The following RAB27B variants were observed in gnomAD, a reference collection of about 807,000 sequenced individuals.
RAB27B encodes the protein ras-related protein Rab-27B.
In RAB27B, 15 loss-of-function variants were observed where a neutral mutation model predicts 24.6. That is an observed-to-expected ratio of 0.61 (90% CI 0.41 to 0.94). RAB27B has a LOEUF of 0.94. RAB27B is among the 40% of genes least tolerant of loss of function. The probability of loss-of-function intolerance (pLI) is 0.00; values close to 1 mark genes in which losing one functional copy is unlikely to be tolerated. For synonymous variants in RAB27B, 105 were observed against 92.5 expected (o/e 1.14, Z -0.78); for missense variants, 261 against 266.8 (o/e 0.98, Z 0.15).
chr18:54,799,182 T>C (rs1909518350), intron 2 of RAB27B, among the ~76,000 whole-genome samples: 1 of 152,216 alleles, frequency 6.6e-6, no homozygotes, highest in African/African-American at 2.4e-5. Flanking sequence ...AAATTTGTGT[T>C]ATTGATCATG....
chr18:54,889,384 A>T lies in RAB27B; in HGVS notation c.628A>T (p.Lys210Ter). 6.2e-7 allele frequency: 1 copy of T among 1,612,968 alleles called. No individual in the cohort carries two copies. Among genetic ancestry groups the T allele is most frequent in the Middle Eastern group, 1.7e-4 (1 of 6,048 alleles). The change falls in exon 6 of 6, where the codon AAG becomes TAG. Residue 210 changes from lysine (K) to a stop codon, truncating the protein, a stop_gained. Coordinates refer to ENST00000262094, the MANE Select transcript of RAB27B (RefSeq NM_004163.4). LOFTEE classifies it high-confidence loss of function. ...GGNSGNLDGE[K>*]PPEKKCIC The stretch of plus-strand genomic sequence containing the variant: ...AAATTCTGGAAACTTGGATGGGGAA[A>T]AGCCACCAGAGAAGAAATGTATCTG...
At chr18:54,845,469 G>A (rs1598953812) in intron 1 of RAB27B, among the ~76,000 whole-genome samples, 1 of 149,990 alleles carries the variant, frequency 6.7e-6, no homozygotes, top group Middle Eastern at 3.5e-3. Context: ...GATACCTCTA[G>A]CTAAGCAATA....
At position 54,814,847 on chromosome 18, in the gene RAB27B, T is replaced by C. The variant is rs1021819400; in HGVS notation, c.-19-62720T>C. On this transcript the variant is annotated intron_variant, in intron 2 of 4. Transcript: ENST00000586570. ...TTTATTGTAGAATACTGAATGAGGC[T>C]ATGTTCATCAAGTTTATACGTTTAA... 6.6e-5 allele frequency among the ~76,000 whole-genome samples: 10 copies of C among 152,356 alleles called. No individual in the cohort carries two copies. In the East Asian group the frequency reaches 1.9e-3, roughly 29 times the overall value.
At chr18:54,776,929 C>T (rs1908734676) in intron 2 of RAB27B, among the ~76,000 whole-genome samples, 1 of 152,142 alleles carries the variant, frequency 6.6e-6, no homozygotes, top group Non-Finnish European at 1.5e-5. Context: ...CTGGTAGTCT[C>T]AGCTACTCGG....
At chr18:54,832,824 T>C (rs964001950) in intron 1 of RAB27B, among the ~76,000 whole-genome samples, 1 of 152,112 alleles carries the variant, frequency 6.6e-6, no homozygotes, top group African/African-American at 2.4e-5. Context: ...GATGATTGCA[T>C]GTGGCGGTGT....
chr18:54,839,698 C>T (rs116693792), intron 1 of RAB27B, among the ~76,000 whole-genome samples: 1,955 of 152,288 alleles, frequency 0.013, 35 homozygotes, highest in African/African-American at 0.045. Flanking sequence ...AAATCCAACA[C>T]TAATTAAGAA....
intron 1 of RAB27B, among the ~76,000 whole-genome samples, chr18:54,856,764 C>G (rs1359242993): frequency 6.6e-6 from 1 of 152,164 alleles, no homozygotes; most frequent in Non-Finnish European, 1.5e-5. Context: ...TCACAATAAA[C>G]TCTGTGCCCA....
At chr18:54,796,762 T>A (rs1330476719) in intron 2 of RAB27B, among the ~76,000 whole-genome samples, 1 of 152,192 alleles carries the variant, frequency 6.6e-6, no homozygotes, top group Non-Finnish European at 1.5e-5. Context: ...AACATTTGCG[T>A]GCAAGAACAG....
chr18:54,820,977 T>G (rs1263138157), intron 2 of RAB27B, among the ~76,000 whole-genome samples: 1 of 152,136 alleles, frequency 6.6e-6, no homozygotes, highest in Non-Finnish European at 1.5e-5. Flanking sequence ...TTGGTCTATA[T>G]CTCTGTTTTG....
At chr18:54,790,633 A>G (rs1909220042) in intron 2 of RAB27B, among the ~76,000 whole-genome samples, 1 of 152,008 alleles carries the variant, frequency 6.6e-6, no homozygotes, top group South Asian at 2.1e-4. Context: ...TTTCTTGGAG[A>G]TATTTTTGTA....
chr18:54,849,794 A>G (rs991595501), intron 1 of RAB27B, among the ~76,000 whole-genome samples: 1 of 152,308 alleles, frequency 6.6e-6, no homozygotes, highest in Admixed American at 6.5e-5. Context: ...GACTTTAGAA[A>G]AAACCTTTTT....
At chr18:54,867,532 C>T (rs1254530745) in intron 1 of RAB27B, among the ~76,000 whole-genome samples, 5 of 149,470 alleles carry the variant, frequency 3.3e-5, no homozygotes, top group African/African-American at 4.9e-5. Flanking sequence ...CTGCAACTTC[C>T]GCCTCTTGGG....
chr18:54,788,317 T>G (rs1475846147), intron 2 of RAB27B, among the ~76,000 whole-genome samples: 1 of 152,212 alleles, frequency 6.6e-6, no homozygotes, highest in Non-Finnish European at 1.5e-5. Flanking sequence ...TGGTTGTGGT[T>G]GTTTTGAGAG....
In RAB27B at chr18:54,892,862, G is replaced by C. The variant is rs1421115610; in HGVS notation, c.*3449G>C. On this transcript the variant is annotated 3_prime_UTR_variant, in exon 6 of 6. Coordinates refer to ENST00000262094, the MANE Select transcript of RAB27B (RefSeq NM_004163.4). ...AAATTGTTCTTTGCCAACCTGTACA[G>C]GTAGATGAACCAGGCGAGAGTTTTA... 6.6e-6 allele frequency: 1 copy of C among 152,064 alleles called. No homozygotes were observed. The highest frequency in any genetic ancestry group is 1.5e-5 in the Non-Finnish European group (1 of 67,960). 9.4% of individuals were successfully genotyped at this position (152,064 alleles called of 1,614,324 possible). A position where few individuals can be genotyped will look rare whatever the true frequency, so the allele number is the denominator to read the frequency against.
At position 54,888,250 on chromosome 18, in the gene RAB27B, A is replaced by G. The variant is rs533211302; in HGVS notation, c.467+132A>G. ...CATGTGGATTAAAAAGATCTTTCAG[A>G]GAGATATATATGATGTATTAATGAA... On this transcript the variant is annotated intron_variant, in intron 5 of 5. Transcript: ENST00000262094. 22 of 1,005,750 alleles carry G rather than the reference A, an allele frequency of 2.2e-5. No homozygotes were observed. The East Asian group carries it at 5.3e-4, about 24-fold the overall frequency. The allele number at this position is 1,005,750 out of a possible 1,614,324, so 62.3% of individuals were successfully genotyped here.
chr18:54,850,359 T>TATATATATATATATATACAC (rs1491518141), intron 1 of RAB27B, among the ~76,000 whole-genome samples: 42 of 126,854 alleles, frequency 3.3e-4, no homozygotes, highest in African/African-American at 1.2e-3. Flanking sequence ...TATATATATA[T>TATATATATATATATATACAC]ACATACATAC....
In RAB27B at chr18:54,757,521, G is replaced by A. The variant is rs146851845; in HGVS notation, c.-20+39380G>A. Among the ~76,000 whole-genome samples, 364 of 152,234 alleles carry A rather than the reference G, an allele frequency of 2.4e-3. 1 individual carries two copies. Among genetic ancestry groups the A allele is most frequent in the African/African-American group, 7.7e-3 (320 of 41,544 alleles). On this transcript the variant is annotated intron_variant, in intron 2 of 4. Transcript: ENST00000586570. ...TGTGAAATTAAATCAACTCTTTCAT[G>A]AGAAAGCTGTTGATATCTAATTTTA...
At chr18:54,825,317 G>A (rs1000070547), upstream of RAB27B, among the ~76,000 whole-genome samples, 1 of 152,082 alleles carries the variant, frequency 6.6e-6, no homozygotes, top group South Asian at 2.1e-4. Flanking sequence ...TAATTTAAAG[G>A]ATTGTTTTCC....
chr18:54,723,711 T>C (rs542077609), intron 2 of RAB27B, among the ~76,000 whole-genome samples: 14 of 152,292 alleles, frequency 9.2e-5, no homozygotes, highest in Admixed American at 2.0e-4. Context: ...CACATCAACA[T>C]TTAAAGACAA....
Sources: allele counts gnomAD v4.1 joint callset (sites outside exome capture counted in the v4.1 genomes callset), GRCh38; gene constraint gnomAD v4.1.1; transcripts MANE v1.5; gene names NCBI Gene and HGNC (gene_info 2026-07-23, HGNC 2026-07-21).